HOXC4: variants seen among roughly 807,000 people sequenced by gnomAD.
The protein encoded by HOXC4 is homeobox protein Hox-C4.
Under a neutral mutation model 25.5 loss-of-function variants are expected in HOXC4, and 15 were observed. The observed-to-expected ratio is 0.59, with a 90% CI of 0.39 to 0.91. The LOEUF (loss-of-function observed/expected upper bound fraction) is 0.91, where lower values mean the gene tolerates loss of function less well. HOXC4 is among the 40% of genes least tolerant of loss of function. The pLI is 0.00. For missense variants in HOXC4, 342 were observed against 352.4 expected (o/e 0.97, Z 0.24); for synonymous variants, 165 against 148.0 (o/e 1.11, Z -0.83).
chr12:54,052,561 C>G (rs1157568069), upstream of HOXC4, among the ~76,000 whole-genome samples: 1 of 126,684 alleles, frequency 7.9e-6, no homozygotes, highest in Non-Finnish European at 1.7e-5. Context: ...GACAGGACCA[C>G]CCCTAGCTGG....
chr12:54,043,639 C>T (rs1941311374), intron 1 of HOXC4, among the ~76,000 whole-genome samples: 1 of 150,816 alleles, frequency 6.6e-6, no homozygotes, highest in African/African-American at 2.4e-5. Context: ...TTCCTTCTGC[C>T]TTTCTGGAAA....
At chr12:54,024,761 G>A (rs954032494) in intron 1 of HOXC4, among the ~76,000 whole-genome samples, 1 of 152,094 alleles carries the variant, frequency 6.6e-6, no homozygotes, top group African/African-American at 2.4e-5. Flanking sequence ...ACTTGCCTAG[G>A]GAAATCCCCA....
chr12:54,054,389 C>T lies in HOXC4; in HGVS notation c.439+28C>T, dbSNP rs199685670. 8.2e-6 allele frequency: 12 copies of T among 1,468,934 alleles called. No individual in the cohort carries two copies. The South Asian group carries it at 1.4e-4, about 17-fold the overall frequency. 91.0% of individuals were successfully genotyped at this position (1,468,934 alleles called of 1,614,324 possible). A position where few individuals can be genotyped will look rare whatever the true frequency, so the allele number is the denominator to read the frequency against. On this transcript the variant is annotated intron_variant, in intron 1 of 1. Coordinates refer to ENST00000430889, the MANE Select transcript of HOXC4 (RefSeq NM_153633.3). Reference sequence around the variant, plus strand: ...AGGCAACTTTGCTTTTTGCTCCCCCCCTCCCTCCCTTCTTCCCTAGCGCTC... The same window carrying T: ...AGGCAACTTTGCTTTTTGCTCCCCCTCTCCCTCCCTTCTTCCCTAGCGCTC...
intron 1 of HOXC4, among the ~76,000 whole-genome samples, chr12:54,042,776 G>A (rs1189129709): frequency 6.6e-6 from 1 of 152,172 alleles, no homozygotes; most frequent in Non-Finnish European, 1.5e-5. Flanking sequence ...AGACGATGCT[G>A]TTTGAGAGCC....
chr12:54,044,845 TC>T (rs913093711), intron 1 of HOXC4, among the ~76,000 whole-genome samples: 1 of 151,938 alleles, frequency 6.6e-6, no homozygotes, highest in African/African-American at 2.4e-5. Context: ...CTCCTAAGGA[TC>T]CCCCACCCCC....
intron 1 of HOXC4, among the ~76,000 whole-genome samples, chr12:54,042,082 G>A (rs1406702521): frequency 2.7e-5 from 4 of 150,730 alleles, no homozygotes; most frequent in African/African-American, 7.3e-5. Context: ...GGGTTCAAGC[G>A]ATTCTCCTGC....
upstream of HOXC4, among the ~76,000 whole-genome samples, chr12:54,052,304 C>G (rs1039687482): frequency 2.0e-5 from 3 of 152,164 alleles, no homozygotes; most frequent in African/African-American, 7.2e-5. Context: ...AAAGCTGTAG[C>G]GACGAGGCAA....
chr12:54,033,214 C>G (rs199703080), intron 1 of HOXC4: 1 of 1,614,204 alleles, frequency 6.2e-7, no homozygotes, highest in East Asian at 2.2e-5. Context: ...GGATCGGCCT[C>G]AGAGGTGCAG....
intron 1 of HOXC4, among the ~76,000 whole-genome samples, chr12:54,045,261 T>C (rs1374135968): frequency 6.6e-6 from 1 of 152,230 alleles, no homozygotes; most frequent in Non-Finnish European, 1.5e-5. Flanking sequence ...AGGATGTATG[T>C]TTTATATTCC....
At chr12:54,034,157 GTCTTGCGGC>G in intron 1 of HOXC4, 1 of 981,698 alleles carries the variant, frequency 1.0e-6, no homozygotes, top group South Asian at 1.3e-5. Context: ...CGCGTGGCCT[GTCTTGCGGC>G]TCTCGCCTCC....
chr12:54,032,429 T>C (rs534730801), intron 1 of HOXC4, among the ~76,000 whole-genome samples: 7 of 152,392 alleles, frequency 4.6e-5, no homozygotes, highest in African/African-American at 1.7e-4. Flanking sequence ...AAGGGACTTC[T>C]ACCTTTGGTT....
chr12:54,054,011 C>G lies in HOXC4; in HGVS notation c.89C>G (p.Pro30Arg). The stretch of plus-strand genomic sequence containing the variant: ...GAATATTCGCAAAATAGCTACATCC[C>G]TGAACACAGTCCGGAATATTACGGC... ...CEEYSQNSYI[P>R]EHSPEYYGRT... is the part of the protein sequence containing the mutation. Residue 30 changes from proline (P) to arginine (R), a missense_variant, in exon 1 of 2, where the codon CCT (proline) becomes CGT (arginine). Coordinates refer to ENST00000430889, the MANE Select transcript of HOXC4 (RefSeq NM_153633.3). 6.2e-7 allele frequency: 1 copy of G among 1,614,238 alleles called. No homozygotes were observed. Among genetic ancestry groups the G allele is most frequent in the Non-Finnish European group, 8.5e-7 (1 of 1,180,038 alleles).
At chr12:54,043,918 C>CTCTG (rs1941315265) in intron 1 of HOXC4, among the ~76,000 whole-genome samples, 2 of 127,272 alleles carry the variant, frequency 1.6e-5, no homozygotes, top group South Asian at 2.8e-4. Flanking sequence ...AAAACACAGG[C>CTCTG]TGTGTGTGTG....
intron 1 of HOXC4, among the ~76,000 whole-genome samples, chr12:54,037,280 T>C (rs554657528): frequency 2.6e-5 from 4 of 152,310 alleles, no homozygotes; most frequent in Admixed American, 2.0e-4. Flanking sequence ...CCTGGGGTAG[T>C]TTCCCCACCA....
chr12:54,020,152 C>G (rs1387100409), intron 1 of HOXC4: 1 of 152,268 alleles, frequency 6.6e-6, no homozygotes, highest in Non-Finnish European at 1.5e-5. Context: ...TCCCTGCTGA[C>G]GTGGTCCTTC....
At chr12:54,049,428 G>GAAGGC (rs1328371915), upstream of HOXC4, among the ~76,000 whole-genome samples, 2 of 152,104 alleles carry the variant, frequency 1.3e-5, no homozygotes, top group African/African-American at 4.8e-5. Context: ...GAATTCCAAG[G>GAAGGC]AAGGCAAGGC....
chr12:54,034,583 G>A (rs1565746760), intron 1 of HOXC4: 2 of 1,107,474 alleles, frequency 1.8e-6, no homozygotes, highest in Admixed American at 2.1e-5. Flanking sequence ...ATTTCGGGTC[G>A]GGGGCAGGTG....
At chr12:54,032,887 G>T in intron 1 of HOXC4, 1 of 370,742 alleles carries the variant, frequency 2.7e-6, no homozygotes, top group South Asian at 6.3e-5. Context: ...GATGCTTTTC[G>T]CCGGCTTCCA....
chr12:54,045,413 A>G (rs1411626360), intron 1 of HOXC4, among the ~76,000 whole-genome samples: 1 of 152,218 alleles, frequency 6.6e-6, no homozygotes, highest in African/African-American at 2.4e-5. Context: ...CTCTCTTGAA[A>G]CACCTAAGTG....
Sources: allele counts gnomAD v4.1 joint callset (sites outside exome capture counted in the v4.1 genomes callset), GRCh38; gene constraint gnomAD v4.1.1; transcripts MANE v1.5; gene names NCBI Gene and HGNC (gene_info 2026-07-23, HGNC 2026-07-21).